OPCML: variants seen among roughly 807,000 people sequenced by gnomAD.
OPCML encodes the protein opioid-binding protein/cell adhesion molecule.
A neutral mutation model predicts 37.8 loss-of-function variants in OPCML; 13 were observed. The observed-to-expected ratio is 0.34, with a 90% CI of 0.22 to 0.55. OPCML has a LOEUF of 0.55. OPCML is among the 20% of genes least tolerant of loss of function. The pLI is 0.91. For missense variants in OPCML, 341 were observed against 435.6 expected (o/e 0.78, Z 1.93); for synonymous variants, 176 against 168.8 (o/e 1.04, Z -0.33).
intron 4 of OPCML, among the ~76,000 whole-genome samples, chr11:132,442,580 G>C (rs2096039768): frequency 6.6e-6 from 1 of 152,166 alleles, no homozygotes; most frequent in Non-Finnish European, 1.5e-5. Context: ...ACAATTTTAG[G>C]AGGTGAAGAT....
chr11:133,184,503 C>T (rs1008258760), intron 1 of OPCML, among the ~76,000 whole-genome samples: 6 of 152,242 alleles, frequency 3.9e-5, no homozygotes, highest in African/African-American at 1.4e-4. Context: ...GAGCAAAATC[C>T]TGCTGGCTTG....
rs34325848 is a variant in OPCML at position 132,721,950 on chromosome 11, CTT to C, written c.147-64633_147-64632del. On this transcript the variant is annotated intron_variant, in intron 2 of 7. Transcript: ENST00000524381. Reference sequence around the variant, plus strand: ...GGGAATGTATTTTTTCTTTCCTTCCCTTTTTTTTTTTTTTTTTTTTTTTGAGA... The same window carrying C: ...GGGAATGTATTTTTTCTTTCCTTCCCTTTTTTTTTTTTTTTTTTTTTGAGA... 9.8e-3 allele frequency among the ~76,000 whole-genome samples: 812 copies of C among 82,706 alleles called. 3 individuals carry two copies. Among genetic ancestry groups the C allele is most frequent in the Middle Eastern group, 0.036 (3 of 84 alleles). 54.3% of individuals were successfully genotyped at this position (82,706 alleles called of 152,430 possible). A position where few individuals can be genotyped will look rare whatever the true frequency, so the allele number is the denominator to read the frequency against.
At chr11:133,446,550 G>A (rs528873622) in intron 1 of OPCML, among the ~76,000 whole-genome samples, 11 of 152,172 alleles carry the variant, frequency 7.2e-5, no homozygotes, top group South Asian at 6.2e-4. Context: ...TTGGCCTCCC[G>A]AGTTGCTGGG....
Position 133,173,166 on chromosome 11 carries a change from A to G in OPCML, c.62-230156T>C, listed in dbSNP as rs1210811885. Among the ~76,000 whole-genome samples the G allele has an allele frequency of 1.3e-5, 2 of 152,246 alleles. No individual in the cohort carries two copies. The highest frequency in any genetic ancestry group is 2.9e-5 in the Non-Finnish European group (2 of 68,042). On this transcript the variant is annotated intron_variant, in intron 1 of 7. Coordinates refer to ENST00000524381, the MANE Select transcript of OPCML (RefSeq NM_001012393.5). The surrounding 1 kb of genome is among the most constrained non-coding windows in gnomAD (Gnocchi z 7.8). ...CCATGCTTTAAAAAAATTACATGTGAGGGAATATTTCATATGAATTCCTAA... is the reference window on the plus strand; with the variant it reads ...CCATGCTTTAAAAAAATTACATGTGGGGGAATATTTCATATGAATTCCTAA...
intron 1 of OPCML, among the ~76,000 whole-genome samples, chr11:133,027,879 A>T (rs905416750): frequency 6.0e-5 from 1 of 16,756 alleles, no homozygotes; most frequent in Non-Finnish European, 1.5e-4. Flanking sequence ...CTCCATGCCA[A>T]TAATACCCTT....
At chr11:133,423,476 C>T (rs1050935733) in intron 1 of OPCML, 2 of 985,252 alleles carry the variant, frequency 2.0e-6, no homozygotes, top group African/African-American at 3.5e-5. Context: ...CTCTGTTAGG[C>T]TCCTGGCAAC....
chr11:133,483,795 T>TGATAGATGATAGATA (rs59881013), intron 1 of OPCML, among the ~76,000 whole-genome samples: 4,888 of 132,390 alleles, frequency 0.037, 219 homozygotes, highest in African/African-American at 0.11. Context: ...GATACATAGA[T>TGATAGATGATAGATA]GATAGATAGA....
intron 4 of OPCML, among the ~76,000 whole-genome samples, chr11:132,487,884 A>T (rs1592252322): frequency 6.6e-6 from 1 of 152,260 alleles, no homozygotes. Context: ...TTTCCTTCTC[A>T]ATTTGATTAC....
intron 4 of OPCML, among the ~76,000 whole-genome samples, chr11:132,496,869 G>A (rs1216575562): frequency 1.3e-5 from 2 of 152,194 alleles, no homozygotes; most frequent in African/African-American, 2.4e-5. Flanking sequence ...GTTTGACGAT[G>A]CCCTACAGAG....
At chr11:133,239,390 A>G (rs1316636495) in intron 1 of OPCML, among the ~76,000 whole-genome samples, 1 of 152,206 alleles carries the variant, frequency 6.6e-6, no homozygotes, top group Non-Finnish European at 1.5e-5. Context: ...CATTTTCTGT[A>G]GTCTACAGTT....
intron 1 of OPCML, among the ~76,000 whole-genome samples, chr11:133,469,194 G>C (rs1458602513): frequency 2.0e-5 from 3 of 152,198 alleles, no homozygotes; most frequent in Admixed American, 6.5e-5. Flanking sequence ...CTAAATTTAT[G>C]TTCCACATAA....
intron 2 of OPCML, among the ~76,000 whole-genome samples, chr11:132,876,787 GAATCAGAACACAA>G (rs931612715): frequency 6.6e-6 from 1 of 152,152 alleles, no homozygotes; most frequent in African/African-American, 2.4e-5. Context: ...GCTTTCTAAG[GAATCAGAACACAA>G]TGCCATCAGG....
At chr11:133,458,287 C>T (rs1946734632) in intron 1 of OPCML, among the ~76,000 whole-genome samples, 3 of 62,530 alleles carry the variant, frequency 4.8e-5, no homozygotes, top group African/African-American at 2.3e-4. Flanking sequence ...CACATATATA[C>T]ACGTGTGTGT....
At chr11:132,607,960 A>G (rs879858119) in intron 3 of OPCML, among the ~76,000 whole-genome samples, 21 of 152,320 alleles carry the variant, frequency 1.4e-4, no homozygotes, top group Middle Eastern at 3.4e-3. Flanking sequence ...GGGTGACTGT[A>G]GTATACAATA....
intron 4 of OPCML, among the ~76,000 whole-genome samples, chr11:132,472,520 TGTAATATTTA>T (rs1361859460): frequency 6.6e-6 from 1 of 152,226 alleles, no homozygotes; most frequent in Non-Finnish European, 1.5e-5. Context: ...AGCATCTCTC[TGTAATATTTA>T]TATTTCCTAG....
intron 1 of OPCML, chr11:133,007,568 G>A: frequency 1.0e-6 from 1 of 985,480 alleles, no homozygotes; most frequent in Non-Finnish European, 1.2e-6. Context: ...TGAGCCTTCA[G>A]AGGTAAAACT....
At chr11:132,806,246 A>G (rs777851319) in intron 2 of OPCML, among the ~76,000 whole-genome samples, 2 of 152,108 alleles carry the variant, frequency 1.3e-5, no homozygotes, top group Non-Finnish European at 2.9e-5. Flanking sequence ...CATATGGTAG[A>G]CTTAAATCAA....
At chr11:133,486,840 C>T (rs1034744483) in intron 1 of OPCML, among the ~76,000 whole-genome samples, 1 of 137,140 alleles carries the variant, frequency 7.3e-6, no homozygotes, top group African/African-American at 3.0e-5. Flanking sequence ...CGCTCTCTCC[C>T]CCCCTTCTCT....
chr11:133,193,900 C>T (rs1342761945), intron 1 of OPCML, among the ~76,000 whole-genome samples: 2 of 152,136 alleles, frequency 1.3e-5, no homozygotes, highest in African/African-American at 2.4e-5. Context: ...GTCCTATATG[C>T]CCCATAATGA....
Sources: gnomAD v4.1 joint callset for allele counts (sites outside exome capture counted in the v4.1 genomes callset) on GRCh38, gnomAD v4.1.1 for gene constraint, Gnocchi (gnomAD v3.1) non-coding constraint, MANE v1.5 for transcripts, NCBI Gene and HGNC (gene_info 2026-07-23, HGNC 2026-07-21) for gene names.